PCDHGA11: variants seen among roughly 807,000 people sequenced by gnomAD.
PCDHGA11 encodes protocadherin gamma-A11.
In PCDHGA11, 39 loss-of-function variants were observed where a neutral mutation model predicts 60.4. The observed-to-expected ratio is 0.65, with a 90% CI of 0.50 to 0.84. The LOEUF (loss-of-function observed/expected upper bound fraction) is 0.84, where lower values mean the gene tolerates loss of function less well. Among genes scored for constraint, PCDHGA11 ranks in the 40% least tolerant of loss-of-function variants. PCDHGA11 has a pLI of 0.00. For synonymous variants in PCDHGA11, 533 were observed against 510.3 expected, an observed-to-expected ratio of 1.04 and a Z score of -0.60; for missense variants, 1,165 against 1,197.7, an observed-to-expected ratio of 0.97 and a Z score of 0.40.
intron 2 of PCDHGA11, among the ~76,000 whole-genome samples, chr5:141,498,963 GGGAGGGAGGGAAGGAAGGAA>G (rs1472475865): frequency 5.7e-4 from 74 of 129,970 alleles, no homozygotes; most frequent in Non-Finnish European, 2.6e-4. Flanking sequence ...GAGAGAGGGA[GGGAGGGAGGGAAGGAAGGAA>G]GGAAGGAAGG....
chr5:141,451,314 G>A (rs1286009420), intron 1 of PCDHGA11, among the ~76,000 whole-genome samples: 1 of 152,218 alleles, frequency 6.6e-6, no homozygotes, highest in Non-Finnish European at 1.5e-5. Context: ...AGCAATTAAA[G>A]TGTCACCTAA....
chr5:141,489,339 C>T lies in PCDHGA11; in HGVS notation c.2434-5468C>T. 6.2e-7 allele frequency: 1 copy of T among 1,608,828 alleles called. No individual in the cohort carries two copies. On this transcript the variant is annotated intron_variant, in intron 1 of 3. Transcript: ENST00000398587. The surrounding 1 kb of genome is among the most constrained non-coding windows in gnomAD (Gnocchi z 4.5). ...GCTGGGTGTCTGGGCAGCTTCGTTA[C>T]TCAGTGGTGGAGGAGTCTGAGCCGG...
intron 2 of PCDHGA11, among the ~76,000 whole-genome samples, chr5:141,500,904 C>T (rs2099803610): frequency 6.6e-6 from 1 of 151,662 alleles, no homozygotes; most frequent in Non-Finnish European, 1.5e-5. Context: ...CAGTCTCGCT[C>T]TGTCTCCAGG....
Position 141,491,000 on chromosome 5 carries a change from C to T in PCDHGA11, c.2434-3807C>T. 6.2e-7 allele frequency: 1 copy of T among 1,614,142 alleles called. No homozygotes were observed. The highest frequency in any genetic ancestry group is 1.1e-5 in the South Asian group (1 of 91,086). On this transcript the variant is annotated intron_variant, in intron 1 of 3. Transcript: ENST00000398587. The surrounding 1 kb of genome is among the most constrained non-coding windows in gnomAD (Gnocchi z 5.4). ...CTCCCTCGCTCTGCTCCTCCTGGCTCCTTGGTCACCAAGGTGACAGCCGTG... is the reference window on the plus strand; with the variant it reads ...CTCCCTCGCTCTGCTCCTCCTGGCTTCTTGGTCACCAAGGTGACAGCCGTG...
At chr5:141,470,242 T>C (rs1301513342) in intron 1 of PCDHGA11, among the ~76,000 whole-genome samples, 1 of 152,344 alleles carries the variant, frequency 6.6e-6, no homozygotes, top group South Asian at 2.1e-4. Flanking sequence ...CCCTTGAATG[T>C]CCCACCTGTC....
Position 141,422,307 on chromosome 5 carries a change from C to T in PCDHGA11, c.1080C>T (p.Asn360=). 2.6e-6 allele frequency: 4 copies of T among 1,547,552 alleles called. No individual in the cohort carries two copies. The highest frequency in any genetic ancestry group is 1.3e-5 in the South Asian group (1 of 77,436). The change falls in exon 1 of 4, where the codon AAC becomes AAT. Residue 360 remains asparagine (N), a synonymous_variant. Transcript: ENST00000398587. The part of the protein sequence containing the change: ...ITSSINSILE[N]SPPGTVIALL... ...CTTCTATTAATTCAATTCTGGAAAACTCTCCTCCAGGTACAGTGATTGCTC... is the reference window on the plus strand; with the variant it reads ...CTTCTATTAATTCAATTCTGGAAAATTCTCCTCCAGGTACAGTGATTGCTC...
chr5:141,477,749 C>A lies in PCDHGA11; in HGVS notation c.2434-17058C>A, dbSNP rs2099417192. The A allele has an allele frequency of 6.2e-7, 1 of 1,613,786 alleles. No homozygotes were observed. Among genetic ancestry groups the A allele is most frequent in the African/African-American group, 1.3e-5 (1 of 74,928 alleles). ...AGCTCATATCAGCGATGGGGGCACCCCGGTCCTAGCCACCAACATCAGCGT... is the reference window on the plus strand; with the variant it reads ...AGCTCATATCAGCGATGGGGGCACCACGGTCCTAGCCACCAACATCAGCGT... On this transcript the variant is annotated intron_variant, in intron 1 of 3. Coordinates refer to ENST00000398587, the MANE Select transcript of PCDHGA11 (RefSeq NM_018914.3). This position sits in a 1 kb window ranked among gnomAD's most constrained non-coding sequence, Gnocchi z 4.9.
chr5:141,426,369 A>G, intron 1 of PCDHGA11: 1 of 205,906 alleles, frequency 4.9e-6, no homozygotes, highest in Non-Finnish European at 1.0e-5. Context: ...TCTGCGGGGC[A>G]CCCTCGGAGC....
At chr5:141,436,214 A>G (rs1242199916) in intron 1 of PCDHGA11, among the ~76,000 whole-genome samples, 5 of 152,160 alleles carry the variant, frequency 3.3e-5, no homozygotes, top group African/African-American at 7.2e-5. Context: ...AGGAAAACAA[A>G]TGACTTGGGA....
chr5:141,421,109 T>C lies in PCDHGA11; in HGVS notation c.-119T>C, dbSNP rs2096547097. 2 of 715,670 alleles carry C rather than the reference T, an allele frequency of 2.8e-6. No homozygotes were observed. Among genetic ancestry groups the C allele is most frequent in the East Asian group, 2.8e-5 (1 of 36,112 alleles). 44.3% of individuals were successfully genotyped at this position (715,670 alleles called of 1,614,324 possible). On this transcript the variant is annotated 5_prime_UTR_variant, in exon 1 of 4. Transcript: ENST00000398587. ...GATCCTGACACTGGAGACTTAGAAG[T>C]ATTTTCCTTCGCTTTCTGATATATT...
intron 1 of PCDHGA11, among the ~76,000 whole-genome samples, chr5:141,445,892 T>C (rs2154561169): frequency 6.6e-6 from 1 of 152,346 alleles, no homozygotes; most frequent in African/African-American, 2.4e-5. Context: ...TTAGGAGCTA[T>C]TAAAATATTT....
In PCDHGA11 at chr5:141,489,185, T is replaced by G; in HGVS notation, c.2434-5622T>G. The G allele has an allele frequency of 7.8e-7, 1 of 1,286,838 alleles. No individual in the cohort carries two copies. The highest frequency in any genetic ancestry group is 1.5e-5 in the African/African-American group (1 of 67,216). 79.7% of individuals were successfully genotyped at this position (1,286,838 alleles called of 1,614,324 possible). On this transcript the variant is annotated intron_variant, in intron 1 of 3. Transcript: ENST00000398587. The surrounding 1 kb of genome is among the most constrained non-coding windows in gnomAD (Gnocchi z 4.5). The stretch of plus-strand genomic sequence containing the variant: ...CAGCTGCTGCATTCCAAGCCCTGGG[T>G]CTACCTTGGAGACAGGACAGCACAG...
rs371027437 is a variant in PCDHGA11, at chr5:141,422,705, C to T, written c.1478C>T (p.Thr493Met). ...KQNALVTYSL[T>M]DDTVQGVPLS... is the part of the protein sequence containing the mutation. ...AATGCCCTGGTCACTTACTCTCTGACGGATGACACTGTCCAGGGGGTGCCT... is the reference window on the plus strand; with the variant it reads ...AATGCCCTGGTCACTTACTCTCTGATGGATGACACTGTCCAGGGGGTGCCT... Residue 493 changes from threonine (T) to methionine (M), a missense_variant, in exon 1 of 4, where the codon ACG becomes ATG. Physicochemically the swap from Thr to Met is moderately conservative, Grantham distance 81. Transcript: ENST00000398587. The T allele has an allele frequency of 1.2e-6, 2 of 1,602,706 alleles. No homozygotes were observed. The highest frequency in any genetic ancestry group is 1.1e-5 in the South Asian group (1 of 88,676).
chr5:141,426,375 G>A, intron 1 of PCDHGA11: 2 of 216,424 alleles, frequency 9.2e-6, no homozygotes, highest in South Asian at 7.8e-5. Flanking sequence ...GGGCACCCTC[G>A]GAGCAGATCC....
Position 141,422,018 on chromosome 5 carries a change from T to C in PCDHGA11, c.791T>C (p.Met264Thr). The C allele has an allele frequency of 6.2e-7, 1 of 1,610,840 alleles. No homozygotes were observed. Among genetic ancestry groups the C allele is most frequent in the Non-Finnish European group, 8.5e-7 (1 of 1,178,772 alleles). Residue 264 changes from methionine to threonine, a missense_variant, in exon 1 of 4, where the codon ATG (methionine) becomes ACG (threonine). Met to Thr is a moderately conservative substitution (Grantham distance 81, BLOSUM62 -1). Transcript: ENST00000398587. ...ATCAGCTCCGGAACTCGGGTGCTGA[T>C]GGTTAATGCAACGGATCCAGACGAG... ...ENISSGTRVLMVNATDPDEGI... is the reference protein window; with the variant it reads ...ENISSGTRVLTVNATDPDEGI...
chr5:141,473,892 G>C (rs1247711441), intron 1 of PCDHGA11, among the ~76,000 whole-genome samples: 1 of 152,138 alleles, frequency 6.6e-6, no homozygotes, highest in African/African-American at 2.4e-5. Context: ...GGGTTCTGTT[G>C]GTTCATGAAG....
chr5:141,425,486 C>T (rs2096878743), intron 1 of PCDHGA11, among the ~76,000 whole-genome samples: 1 of 152,236 alleles, frequency 6.6e-6, no homozygotes, highest in African/African-American at 2.4e-5. Context: ...TGGCAACCTA[C>T]TAGGCTATAC....
intron 2 of PCDHGA11, among the ~76,000 whole-genome samples, chr5:141,498,573 A>G (rs7725519): frequency 0.52 from 78,890 of 151,684 alleles, 21,175 homozygotes; most frequent in African/African-American, 0.65. Flanking sequence ...CAGGGCTAGT[A>G]TTGAGTTCTT....
At chr5:141,500,929 C>T (rs1347340945) in intron 2 of PCDHGA11, among the ~76,000 whole-genome samples, 2 of 151,210 alleles carry the variant, frequency 1.3e-5, no homozygotes, top group South Asian at 2.1e-4. Flanking sequence ...GGTGCAGTGG[C>T]GCCATCTCGG....
Sources: gnomAD v4.1 joint callset for allele counts (sites outside exome capture counted in the v4.1 genomes callset) on GRCh38, gnomAD v4.1.1 for gene constraint, Gnocchi (gnomAD v3.1) non-coding constraint, MANE v1.5 for transcripts, NCBI Gene and HGNC (gene_info 2026-07-23, HGNC 2026-07-21) for gene names.